Variants in RBM46 observed in about 807,000 individuals in gnomAD.
RBM46 encodes probable RNA-binding protein 46.
In RBM46, 12 loss-of-function variants were observed where a neutral mutation model predicts 43.3. The ratio of observed to expected loss-of-function variants is 0.28; its 90% CI spans 0.18 to 0.45. RBM46 has a LOEUF of 0.45. Among genes scored for constraint, RBM46 ranks in the 20% least tolerant of loss-of-function variants. The pLI is 1.00. For synonymous variants in RBM46, 205 were observed against 207.6 expected, an observed-to-expected ratio of 0.99 and a Z score of 0.11; for missense variants, 412 against 639.1, an observed-to-expected ratio of 0.64 and a Z score of 3.83.
At chr4:154,808,686 A>G (rs1321710644) in intron 4 of RBM46, among the ~76,000 whole-genome samples, 1 of 151,988 alleles carries the variant, frequency 6.6e-6, no homozygotes, top group East Asian at 1.9e-4. Flanking sequence ...GTTCCAGGTG[A>G]GCCATTATCA....
intron 1 of RBM46, among the ~76,000 whole-genome samples, chr4:154,786,117 C>T (rs13434999): frequency 0.016 from 2,510 of 152,260 alleles, 92 homozygotes; most frequent in African/African-American, 0.057. Context: ...GATGGAGCCT[C>T]GTTTTCTCCC....
chr4:154,803,429 G>A (rs201691651), intron 4 of RBM46, among the ~76,000 whole-genome samples: 3 of 151,936 alleles, frequency 2.0e-5, no homozygotes, highest in African/African-American at 7.2e-5. Context: ...GGCTGGGCGC[G>A]GTGGCTCACG....
chr4:154,812,216 T>A (rs1735214229), intron 4 of RBM46, among the ~76,000 whole-genome samples: 1 of 152,146 alleles, frequency 6.6e-6, no homozygotes, highest in African/African-American at 2.4e-5. Flanking sequence ...AAATTATGTT[T>A]CTGTAAGTTA....
rs1025626660 is a variant in RBM46, at chr4:154,820,503, T to C, written c.1403-7365T>C. ...TCAGAAAACCAGTTTCAAATTGTTC[T>C]TTATAATGAAAAGAATGAAACTTTA... On this transcript the variant is annotated intron_variant, in intron 4 of 4. Transcript: ENST00000281722. 2.9e-5 allele frequency: 22 copies of C among 756,192 alleles called. No homozygotes were observed. In the African/African-American group the frequency reaches 3.6e-4, roughly 12 times the overall value. The allele number at this position is 756,192 out of a possible 1,614,324, so 46.8% of individuals were successfully genotyped here.
At chr4:154,822,945 AAC>A (rs1265387620) in intron 4 of RBM46, among the ~76,000 whole-genome samples, 5 of 151,908 alleles carry the variant, frequency 3.3e-5, no homozygotes, top group African/African-American at 7.2e-5. Context: ...GAGAATTGAA[AAC>A]ATATGTTCAC....
intron 4 of RBM46, among the ~76,000 whole-genome samples, chr4:154,799,999 C>T (rs1231336255): frequency 1.3e-5 from 2 of 152,196 alleles, no homozygotes; most frequent in East Asian, 1.9e-4. Context: ...TCTCGATCTC[C>T]TGACCTCGTG....
At chr4:154,803,997 T>C (rs771142144) in intron 4 of RBM46, among the ~76,000 whole-genome samples, 2 of 152,158 alleles carry the variant, frequency 1.3e-5, no homozygotes, top group Non-Finnish European at 2.9e-5. Context: ...TGTTTAAAAG[T>C]GTGTAGCACC....
chr4:154,820,289 G>T (rs2111207548), intron 4 of RBM46: 1 of 911,376 alleles, frequency 1.1e-6, no homozygotes, highest in Non-Finnish European at 1.6e-6. Context: ...AGTTACCAAG[G>T]ATTCCATGCA....
intron 4 of RBM46, among the ~76,000 whole-genome samples, chr4:154,811,402 C>G (rs1735164367): frequency 6.6e-6 from 1 of 151,992 alleles, no homozygotes; most frequent in Non-Finnish European, 1.5e-5. Flanking sequence ...ATAACAGTAT[C>G]TCATAGGGTA....
At chr4:154,820,849 T>A (rs1735688380) in intron 4 of RBM46, among the ~76,000 whole-genome samples, 1 of 151,918 alleles carries the variant, frequency 6.6e-6, no homozygotes, top group Non-Finnish European at 1.5e-5. Context: ...TTCAACAAGG[T>A]ACTTCTTGAG....
At chr4:154,786,500 A>G (rs1009178664) in intron 1 of RBM46, among the ~76,000 whole-genome samples, 1 of 152,168 alleles carries the variant, frequency 6.6e-6, no homozygotes, top group Non-Finnish European at 1.5e-5. Context: ...AAATCTGTCC[A>G]TGAGGTATAG....
Position 154,798,185 on chromosome 4 carries a change from A to T in RBM46, c.526A>T (p.Ser176Cys). ...AGTTGTAGATGTCATTGTTTATCCA[A>T]GTGCAACTGATAAGACCAAAAATCG... ...EGVVDVIVYP[S>C]ATDKTKNRGF... Residue 176 changes from serine (S) to cysteine (C), a missense_variant, in exon 3 of 5, where the codon AGT becomes TGT. Ser to Cys is a moderately radical substitution (Grantham distance 112). Coordinates refer to ENST00000281722, the MANE Select transcript of RBM46 (RefSeq NM_144979.5). The T allele has an allele frequency of 6.2e-7, 1 of 1,613,900 alleles. No homozygotes were observed. Among genetic ancestry groups the T allele is most frequent in the Non-Finnish European group, 8.5e-7 (1 of 1,179,944 alleles).
At chr4:154,818,559 G>T (rs867818117) in intron 4 of RBM46, among the ~76,000 whole-genome samples, 2 of 152,176 alleles carry the variant, frequency 1.3e-5, no homozygotes, top group African/African-American at 4.8e-5. Context: ...TTATGGATTT[G>T]ACTTTTGTAT....
At chr4:154,820,135 T>C (rs1235041974) in intron 4 of RBM46, among the ~76,000 whole-genome samples, 1 of 152,110 alleles carries the variant, frequency 6.6e-6, no homozygotes, top group Admixed American at 6.6e-5. Flanking sequence ...TTTCTGATAA[T>C]GTATTAATCA....
rs1734381782 is a variant in RBM46, at chr4:154,796,934, A to G, written c.151+31A>G. 4 of 1,590,390 alleles carry G rather than the reference A, an allele frequency of 2.5e-6. No homozygotes were observed. In the South Asian group the frequency reaches 4.5e-5, roughly 18 times the overall value. On this transcript the variant is annotated intron_variant, in intron 2 of 4. Transcript: ENST00000281722. ...GATTTGTTTACAGTCTTTTAAATTT[A>G]ATCTTTAACCTCGTCATGTAGATTA...
chr4:154,784,663 C>G (rs527621183), intron 1 of RBM46, among the ~76,000 whole-genome samples: 1 of 152,288 alleles, frequency 6.6e-6, no homozygotes, highest in South Asian at 2.1e-4. Context: ...ATTTCTCATT[C>G]CCACTTTGTC....
chr4:154,789,682 G>T (rs944459107), intron 1 of RBM46, among the ~76,000 whole-genome samples: 12 of 152,170 alleles, frequency 7.9e-5, no homozygotes, highest in Non-Finnish European at 1.3e-4. Context: ...GATGATGCTG[G>T]CCTCATAAAA....
At chr4:154,816,764 T>C (rs1735463911) in intron 4 of RBM46, among the ~76,000 whole-genome samples, 1 of 152,070 alleles carries the variant, frequency 6.6e-6, no homozygotes. Flanking sequence ...ACCATCCTTA[T>C]AAACTTTCAG....
chr4:154,798,339 C>T, intron 3 of RBM46, 61 bp downstream of exon 3: 2 of 1,018,878 alleles, frequency 2.0e-6, no homozygotes, highest in South Asian at 1.8e-5. Flanking sequence ...GATGATAGTA[C>T]ATCAGGGATC....
Sources: gnomAD v4.1 joint callset for allele counts (sites outside exome capture counted in the v4.1 genomes callset) on GRCh38, gnomAD v4.1.1 for gene constraint, MANE v1.5 for transcripts, NCBI Gene and HGNC (gene_info 2026-07-23, HGNC 2026-07-21) for gene names.